WDR48: variants seen among roughly 807,000 people sequenced by gnomAD.
WDR48 encodes the protein WD repeat domain 48.
In WDR48, 22 loss-of-function variants were observed where a neutral mutation model predicts 94.0. The ratio of observed to expected loss-of-function variants is 0.23; its 90% CI spans 0.17 to 0.33. WDR48 has a LOEUF of 0.33. Among genes scored for constraint, WDR48 ranks in the 10% least tolerant of loss-of-function variants. The pLI, the probability that WDR48 is intolerant of heterozygous loss-of-function variation, is 1.00. For missense variants in WDR48, 541 were observed against 813.8 expected, an observed-to-expected ratio of 0.66 and a Z score of 4.08; for synonymous variants, 278 against 280.5, an observed-to-expected ratio of 0.99 and a Z score of 0.09.
chr3:39,059,074 CAAAA>C (rs1178955423), intron 1 of WDR48, among the ~76,000 whole-genome samples: 4,675 of 69,694 alleles, frequency 0.067, 189 homozygotes, highest in African/African-American at 0.17. Context: ...GACTCCGTCT[CAAAA>C]AAAAAAAAAA....
At chr3:39,076,140 G>C (rs1387186844) in intron 8 of WDR48, among the ~76,000 whole-genome samples, 2 of 152,212 alleles carry the variant, frequency 1.3e-5, no homozygotes, top group African/African-American at 4.8e-5. Flanking sequence ...AGACTGTTGT[G>C]TAGGAGGAAG....
rs1341059304 is a variant in WDR48, at chr3:39,066,569, C to T, written c.290C>T (p.Thr97Met). ...CTAGTAATATCTGCTTCTTCTGACA[C>T]GACAGTAAAAGTATGGAATGCACAC... is the stretch of plus-strand genomic sequence containing the variant. ...GKTLISASSD[T>M]TVKVWNAHKG... Residue 97 changes from threonine to methionine, a missense_variant, in exon 4 of 19, where the codon ACG (threonine) becomes ATG (methionine). Thr to Met is a moderately conservative substitution (Grantham distance 81). Around this residue, in one of 5 missense-constraint regions of WDR48, gnomAD observed 90 missense variants for 122.3 expected, o/e 0.74. Coordinates refer to ENST00000302313, the MANE Select transcript of WDR48 (RefSeq NM_020839.4). The T allele has an allele frequency of 9.9e-6, 16 of 1,613,566 alleles. No individual in the cohort carries two copies. The highest frequency in any genetic ancestry group is 2.7e-5 in the African/African-American group (2 of 74,876).
At chr3:39,071,685 G>A (rs975859645) in intron 7 of WDR48, among the ~76,000 whole-genome samples, 11 of 152,208 alleles carry the variant, frequency 7.2e-5, no homozygotes, top group African/African-American at 2.7e-4. Flanking sequence ...TAGTCTCAGA[G>A]TGCAAACTTG....
intron 2 of WDR48, among the ~76,000 whole-genome samples, chr3:39,065,003 C>A (rs912856257): frequency 6.6e-6 from 1 of 152,192 alleles, no homozygotes. Flanking sequence ...TGTCTTGCCC[C>A]AAACATCTTT....
Position 39,094,860 on chromosome 3 carries a change from T to C in WDR48, c.*117T>C. 1 of 1,267,888 alleles carries C rather than the reference T, an allele frequency of 7.9e-7. No homozygotes were observed. The allele number at this position is 1,267,888 out of a possible 1,614,324, so 78.5% of individuals were successfully genotyped here. Reference sequence around the variant, plus strand: ...CAAGACTTCTAACGGCTGATTGGTATGGACCGAGATTATCTTTCAATTGAA... The same window carrying C: ...CAAGACTTCTAACGGCTGATTGGTACGGACCGAGATTATCTTTCAATTGAA... On this transcript the variant is annotated 3_prime_UTR_variant, in exon 19 of 19. Coordinates refer to ENST00000302313, the MANE Select transcript of WDR48 (RefSeq NM_020839.4).
rs925695780 is a variant in WDR48 at position 39,095,786 on chromosome 3, T to C, written c.*1043T>C. 6.5e-6 allele frequency: 1 copy of C among 152,674 alleles called. No homozygotes were observed. The highest frequency in any genetic ancestry group is 6.5e-5 in the Admixed American group (1 of 15,286). 9.5% of individuals were successfully genotyped at this position (152,674 alleles called of 1,614,324 possible). A position where few individuals can be genotyped will look rare whatever the true frequency, so the allele number is the denominator to read the frequency against. On this transcript the variant is annotated 3_prime_UTR_variant, in exon 19 of 19. Transcript: ENST00000302313. Reference sequence around the variant, plus strand: ...TCACTGTTCTAACAATCTAACACTTTCATAGAATCATTTGGATCTTGTATA... The same window carrying C: ...TCACTGTTCTAACAATCTAACACTTCCATAGAATCATTTGGATCTTGTATA...
chr3:39,057,811 C>T lies in WDR48; in HGVS notation c.49-5239C>T, dbSNP rs1422907825. 3.3e-5 allele frequency among the ~76,000 whole-genome samples: 5 copies of T among 152,090 alleles called. 1 individual carries two copies. The highest frequency in any genetic ancestry group is 3.9e-4 in the East Asian group (2 of 5,164). Reference sequence around the variant, plus strand: ...CTAATTTTTGTATTTTTAGTAGAGACGGGGTTTCACCATGTTGGCCAGGAT... The same window carrying T: ...CTAATTTTTGTATTTTTAGTAGAGATGGGGTTTCACCATGTTGGCCAGGAT... On this transcript the variant is annotated intron_variant, in intron 1 of 18. Coordinates refer to ENST00000302313, the MANE Select transcript of WDR48 (RefSeq NM_020839.4).
At chr3:39,083,540 T>C (rs2034640077) in intron 11 of WDR48, among the ~76,000 whole-genome samples, 1 of 152,122 alleles carries the variant, frequency 6.6e-6, no homozygotes, top group South Asian at 2.1e-4. Context: ...CTGTCAAGGC[T>C]TCTCTTTGTT....
chr3:39,087,256 T>C (rs1390061376), intron 14 of WDR48, among the ~76,000 whole-genome samples: 3 of 152,202 alleles, frequency 2.0e-5, no homozygotes, highest in Admixed American at 2.0e-4. Context: ...GAAAGCAGAA[T>C]GGAGCTAGGC....
At chr3:39,062,111 A>G (rs2125640611) in intron 1 of WDR48, among the ~76,000 whole-genome samples, 1 of 152,078 alleles carries the variant, frequency 6.6e-6, no homozygotes, top group African/African-American at 2.4e-5. Context: ...GTTTAATTAG[A>G]TCTCATTTGT....
chr3:39,061,885 A>G lies in WDR48; in HGVS notation c.49-1165A>G, dbSNP rs984788604. ...GCATTTTTTCTTGTGTCTGCTGCAG[A>G]AATGTCTTCTTTTGAGAAGTGTCTG... is the stretch of plus-strand genomic sequence containing the variant. On this transcript the variant is annotated intron_variant, in intron 1 of 18. Coordinates refer to ENST00000302313, the MANE Select transcript of WDR48 (RefSeq NM_020839.4). 3.6e-5 allele frequency among the ~76,000 whole-genome samples: 5 copies of G among 140,762 alleles called. No individual in the cohort carries two copies. In the East Asian group the frequency reaches 1.0e-3, roughly 29 times the overall value. 92.3% of individuals were successfully genotyped at this position (140,762 alleles called of 152,430 possible). A position where few individuals can be genotyped will look rare whatever the true frequency, so the allele number is the denominator to read the frequency against.
At chr3:39,078,082 G>C in intron 9 of WDR48, 55 bp from the exon 10 acceptor site, 6 of 1,347,664 alleles carry the variant, frequency 4.5e-6, no homozygotes, top group Non-Finnish European at 6.3e-6. Context: ...CTTTAAACAG[G>C]CTGGCAAAGC....
At chr3:39,081,099 A>G (rs1412298029) in intron 11 of WDR48, among the ~76,000 whole-genome samples, 2 of 152,234 alleles carry the variant, frequency 1.3e-5, no homozygotes, top group Non-Finnish European at 2.9e-5. Flanking sequence ...GGAAGACGTC[A>G]TGATTGGAGA....
At chr3:39,093,796 C>T in intron 17 of WDR48, 78 bp from the exon 18 acceptor site, 1 of 1,319,894 alleles carries the variant, frequency 7.6e-7, no homozygotes. Flanking sequence ...AAAATGTTTG[C>T]ATCAAAGAAA....
chr3:39,084,772 C>T, intron 13 of WDR48, 31 bp downstream of exon 13: 2 of 1,587,070 alleles, frequency 1.3e-6, no homozygotes, highest in Middle Eastern at 1.7e-4. Context: ...TTTTTTTCCT[C>T]CCTTCTAAAG....
rs564387546 is a variant in WDR48, at chr3:39,084,164, G to A, written c.1183G>A (p.Val395Ile). The change falls in exon 12 of 19, where the codon GTT becomes ATT. Residue 395 changes from valine (V) to isoleucine (I), a missense_variant. Physicochemically the swap from Val to Ile is conservative, Grantham distance 29 (BLOSUM62 3). Around this residue, in one of 5 missense-constraint regions of WDR48, gnomAD observed 238 missense variants for 285.3 expected, o/e 0.83. Transcript: ENST00000302313. ...AYWDVLKACK[V>I]EDLGKVDFED... ...TTCTTTTGATGTATAGGCATGTAAA[G>A]TTGAAGATCTGGGCAAAGTGGATTT... is the stretch of plus-strand genomic sequence containing the variant. 2 of 1,610,078 alleles carry A rather than the reference G, an allele frequency of 1.2e-6. No individual in the cohort carries two copies. Among genetic ancestry groups the A allele is most frequent in the South Asian group, 2.2e-5 (2 of 90,654 alleles).
In WDR48 at chr3:39,052,192, G is replaced by C. The variant is rs1180121162; in HGVS notation, c.48+119G>C. On this transcript the variant is annotated intron_variant, in intron 1 of 18. Transcript: ENST00000302313. ...TAGCGGCATGGGGCGAACGGGGCGG[G>C]GCGCGGCCGGCCACGAGGGGTGGGG... 5 of 1,270,288 alleles carry C rather than the reference G, an allele frequency of 3.9e-6. No homozygotes were observed. In the East Asian group the frequency reaches 1.3e-4, roughly 34 times the overall value. The allele number at this position is 1,270,288 out of a possible 1,614,324, so 78.7% of individuals were successfully genotyped here.
intron 2 of WDR48, among the ~76,000 whole-genome samples, chr3:39,063,503 A>C (rs561604333): frequency 9.2e-5 from 14 of 152,336 alleles, no homozygotes; most frequent in African/African-American, 3.4e-4. Flanking sequence ...TTTGCTTTAA[A>C]TATGTTCCCC....
At chr3:39,063,595 T>G (rs902848326) in intron 2 of WDR48, among the ~76,000 whole-genome samples, 1 of 152,224 alleles carries the variant, frequency 6.6e-6, no homozygotes, top group Non-Finnish European at 1.5e-5. Context: ...TATTTTATTT[T>G]CCTCACTTAA....
Sources: gnomAD v4.1 joint callset for allele counts (sites outside exome capture counted in the v4.1 genomes callset) on GRCh38, gnomAD v4.1.1 for gene constraint, gnomAD v4.1.1 regional missense constraint, MANE v1.5 for transcripts, NCBI Gene and HGNC (gene_info 2026-07-23, HGNC 2026-07-21) for gene names.